CCDC88C: variants seen among roughly 807,000 people sequenced by gnomAD.
CCDC88C encodes protein Daple.
A neutral mutation model predicts 198.8 loss-of-function variants in CCDC88C; 131 were observed. The ratio of observed to expected loss-of-function variants is 0.66; its 90% CI spans 0.57 to 0.76. The LOEUF is 0.76. CCDC88C is among the 30% of genes least tolerant of loss of function. The pLI, the probability that CCDC88C is intolerant of heterozygous loss-of-function variation, is 0.00. For missense variants in CCDC88C, 2,553 were observed against 2,631.6 expected (o/e 0.97, Z 0.65); for synonymous variants, 1,166 against 1,114.7 (o/e 1.05, Z -0.92).
intron 3 of CCDC88C, among the ~76,000 whole-genome samples, chr14:91,366,442 C>T (rs1206987408): frequency 6.6e-6 from 1 of 152,014 alleles, no homozygotes; most frequent in Non-Finnish European, 1.5e-5. Context: ...GCCGAGATTG[C>T]GCCACTGCCC....
rs1056716389 is a variant in CCDC88C at position 91,277,775 on chromosome 14, A to G, written c.5058+147T>C. 5.9e-6 allele frequency: 5 copies of G among 846,558 alleles called. No individual in the cohort carries two copies. In the African/African-American group the frequency reaches 8.7e-5, roughly 15 times the overall value. The allele number at this position is 846,558 out of a possible 1,614,324, so 52.4% of individuals were successfully genotyped here. On this transcript the variant is annotated intron_variant, in intron 29 of 29. Transcript: ENST00000389857. ...GCTGGCTTGCGGTGACTTGTCAGCT[A>G]GTGCTCTAGTCAGCCTCTCATGTCC...
chr14:91,272,828 G>T lies in CCDC88C; in HGVS notation c.5884C>A (p.Leu1962Ile), dbSNP rs751999876. 6.3e-7 allele frequency: 1 copy of T among 1,595,380 alleles called. No homozygotes were observed. Among genetic ancestry groups the T allele is most frequent in the Non-Finnish European group, 8.5e-7 (1 of 1,171,332 alleles). ...CCCGGGACCCCGTCTCCCTCTGAGA[G>T]GCTGAGCCCTGCCCGGACAGGGGTG... ...TITPVRAGLS[L>I]SEGDGVPGQG... is the part of the protein sequence containing the mutation. The change falls in exon 30 of 30, where the codon CTC becomes ATC. Residue 1962 changes from leucine to isoleucine, a missense_variant. Around this residue, in one of 2 missense-constraint regions of CCDC88C, gnomAD observed 1,293 missense variants for 1,219.6 expected, o/e 1.06. Coordinates refer to ENST00000389857, the MANE Select transcript of CCDC88C (RefSeq NM_001080414.4).
rs1740961817 is a variant in CCDC88C at position 91,318,213 on chromosome 14, G to A, written c.1528-2426C>T. The stretch of plus-strand genomic sequence containing the variant: ...GACCGAAGGACTGCTTGAGCCCAGG[G>A]GTTTGAGACCAGCCTGGGCAACATA... On this transcript the variant is annotated intron_variant, in intron 13 of 29. Coordinates refer to ENST00000389857, the MANE Select transcript of CCDC88C (RefSeq NM_001080414.4). 3.3e-5 allele frequency among the ~76,000 whole-genome samples: 5 copies of A among 152,128 alleles called. No homozygotes were observed. In the South Asian group the frequency reaches 1.0e-3, roughly 32 times the overall value.
intron 4 of CCDC88C, among the ~76,000 whole-genome samples, chr14:91,357,637 C>G (rs1462414314): frequency 6.6e-6 from 1 of 152,202 alleles, no homozygotes; most frequent in African/African-American, 2.4e-5. Context: ...ACTAAGCTAC[C>G]GCCAACCTCT....
chr14:91,366,636 A>G (rs1382439318), intron 3 of CCDC88C, among the ~76,000 whole-genome samples: 1 of 152,266 alleles, frequency 6.6e-6, no homozygotes, highest in Non-Finnish European at 1.5e-5. Context: ...TTTAAATAAT[A>G]GCCACAAAAA....
intron 3 of CCDC88C, among the ~76,000 whole-genome samples, chr14:91,390,798 C>T (rs1885463629): frequency 2.0e-5 from 3 of 152,192 alleles, no homozygotes; most frequent in African/African-American, 7.2e-5. Context: ...AAGCACCCCA[C>T]TTCCTTTACC....
At chr14:91,356,820 G>C (rs1479559516) in intron 4 of CCDC88C, among the ~76,000 whole-genome samples, 1 of 152,144 alleles carries the variant, frequency 6.6e-6, no homozygotes, top group African/African-American at 2.4e-5. Context: ...CCTGATGGTA[G>C]TGGGGCAGAG....
At chr14:91,277,898 C>G in intron 29 of CCDC88C, 24 bp downstream of exon 29, 1 of 1,468,896 alleles carries the variant, frequency 6.8e-7, no homozygotes, top group Non-Finnish European at 9.1e-7. Context: ...AGAGACGGGC[C>G]AAGTCCGTGT....
Position 91,337,906 on chromosome 14 carries a change from G to C in CCDC88C, c.1050+99C>G, listed in dbSNP as rs760060551. ...GGAAGCATCTGCTGAAACAGCTGTG[G>C]CTCCGCTCCTCCAAGCCCCCAAGGA... On this transcript the variant is annotated intron_variant, in intron 10 of 29. Coordinates refer to ENST00000389857, the MANE Select transcript of CCDC88C (RefSeq NM_001080414.4). The C allele has an allele frequency of 2.8e-6, 4 of 1,441,890 alleles. No individual in the cohort carries two copies. In the African/African-American group the frequency reaches 4.2e-5, roughly 15 times the overall value. The allele number at this position is 1,441,890 out of a possible 1,614,324, so 89.3% of individuals were successfully genotyped here.
chr14:91,388,218 G>A (rs915846373), intron 3 of CCDC88C, among the ~76,000 whole-genome samples: 28 of 152,336 alleles, frequency 1.8e-4, no homozygotes, highest in African/African-American at 6.5e-4. Flanking sequence ...CGGCCAGGGT[G>A]TGAAGGGCCC....
In CCDC88C at chr14:91,379,752, C is replaced by T. The variant is rs557637425; in HGVS notation, c.271-20041G>A. The T allele has an allele frequency of 3.6e-5, 25 of 688,520 alleles. No homozygotes were observed. The East Asian group carries it at 4.9e-4, about 13-fold the overall frequency. 42.7% of individuals were successfully genotyped at this position (688,520 alleles called of 1,614,324 possible). A position where few individuals can be genotyped will look rare whatever the true frequency, so the allele number is the denominator to read the frequency against. On this transcript the variant is annotated intron_variant, in intron 3 of 29. Transcript: ENST00000389857. ...CTTCCATGGCCAGGCCTGGCAGCCA[C>T]ACCCCGTGCCCGGGCCTCCTGCGGG... is the stretch of plus-strand genomic sequence containing the variant.
chr14:91,360,598 G>A (rs962663604), intron 3 of CCDC88C, among the ~76,000 whole-genome samples: 2 of 152,322 alleles, frequency 1.3e-5, no homozygotes, highest in East Asian at 1.9e-4. Flanking sequence ...CTTCCTAAGC[G>A]AGGGATACAT....
At chr14:91,392,785 A>ACCCCTCACTCTCACTGAGC (rs1207483358) in intron 3 of CCDC88C, among the ~76,000 whole-genome samples, 3 of 147,416 alleles carry the variant, frequency 2.0e-5, no homozygotes, top group African/African-American at 7.9e-5. Context: ...CTCTCACTGC[A>ACCCCTCACTCTCACTGAGC]CCCCTCACTC....
intron 14 of CCDC88C, among the ~76,000 whole-genome samples, chr14:91,314,935 G>A (rs928455993): frequency 2.0e-5 from 3 of 152,178 alleles, no homozygotes; most frequent in African/African-American, 7.2e-5. Flanking sequence ...CCAGGAGTTC[G>A]AGACCGGCCT....
In CCDC88C at chr14:91,272,349, T is replaced by C; in HGVS notation, c.*276A>G. The C allele has an allele frequency of 4.3e-6, 2 of 466,818 alleles. No individual in the cohort carries two copies. Among genetic ancestry groups the C allele is most frequent in the Non-Finnish European group, 3.8e-6 (1 of 260,934 alleles). The allele number at this position is 466,818 out of a possible 1,614,324, so 28.9% of individuals were successfully genotyped here. Reference sequence around the variant, plus strand: ...TGGGGGAAGTCAGTTTGTCATTGCATCCTAATTGGTCCCCATGCTGACGTG... The same window carrying C: ...TGGGGGAAGTCAGTTTGTCATTGCACCCTAATTGGTCCCCATGCTGACGTG... On this transcript the variant is annotated 3_prime_UTR_variant, in exon 30 of 30. Transcript: ENST00000389857.
intron 3 of CCDC88C, among the ~76,000 whole-genome samples, chr14:91,362,706 G>T (rs564273667): frequency 6.6e-6 from 1 of 152,248 alleles, no homozygotes; most frequent in Non-Finnish European, 1.5e-5. Context: ...GAGGCAGGTG[G>T]ATCATGAAGT....
In CCDC88C at chr14:91,338,940, C is replaced by A; in HGVS notation, c.809+338G>T. On this transcript the variant is annotated intron_variant, in intron 8 of 29. Coordinates refer to ENST00000389857, the MANE Select transcript of CCDC88C (RefSeq NM_001080414.4). The surrounding 1 kb of genome is among the most constrained non-coding windows in gnomAD (Gnocchi z 4.8). The stretch of plus-strand genomic sequence containing the variant: ...ACCAGATTGGAGGGAAGGAGGGGCA[C>A]CTCATCCCTCCAGCCAAGAAAACAC... The A allele has an allele frequency of 2.1e-6, 1 of 480,426 alleles. No homozygotes were observed. Among genetic ancestry groups the A allele is most frequent in the Non-Finnish European group, 3.8e-6 (1 of 261,266 alleles). 29.8% of individuals were successfully genotyped at this position (480,426 alleles called of 1,614,324 possible).
intron 10 of CCDC88C, among the ~76,000 whole-genome samples, chr14:91,328,624 G>C (rs1892674022): frequency 1.3e-5 from 2 of 152,200 alleles, no homozygotes; most frequent in African/African-American, 4.8e-5. Flanking sequence ...ACTTGGGGCA[G>C]TGATTAGGCA....
At position 91,343,666 on chromosome 14, in the gene CCDC88C, A is replaced by G. The variant is rs765732044; in HGVS notation, c.341-9T>C. The G allele has an allele frequency of 6.2e-7, 1 of 1,613,494 alleles. No homozygotes were observed. Among genetic ancestry groups the G allele is most frequent in the South Asian group, 1.1e-5 (1 of 91,054 alleles). On this transcript the variant is annotated splice_polypyrimidine_tract_variant and intron_variant, in intron 4 of 29. Transcript: ENST00000389857. ...TTCCTCCATGCTCTTCCCTAGATCA[A>G]GAGAGCAACACATTTAACTCAGCTC...
Sources: allele counts gnomAD v4.1 joint callset (sites outside exome capture counted in the v4.1 genomes callset), GRCh38; gene constraint gnomAD v4.1.1; regional missense constraint gnomAD v4.1.1; non-coding constraint Gnocchi (gnomAD v3.1); transcripts MANE v1.5; gene names NCBI Gene and HGNC (gene_info 2026-07-23, HGNC 2026-07-21).